The following PCCA variants were observed in gnomAD, a reference collection of about 807,000 sequenced individuals.
PCCA encodes the protein propionyl-CoA carboxylase subunit alpha, also known as propionyl-CoA carboxylase alpha chain, mitochondrial.
In PCCA, 74 loss-of-function variants were observed where a neutral mutation model predicts 101.3. The ratio of observed to expected loss-of-function variants is 0.73; its 90% CI spans 0.61 to 0.89. PCCA has a LOEUF of 0.89. Among genes scored for constraint, PCCA ranks in the 40% least tolerant of loss-of-function variants. The pLI, the probability that PCCA is intolerant of heterozygous loss-of-function variation, is 0.00. For missense variants in PCCA, 891 were observed against 907.0 expected (o/e 0.98, Z 0.23); for synonymous variants, 294 against 313.6 (o/e 0.94, Z 0.66).
intron 4 of PCCA, among the ~76,000 whole-genome samples, chr13:100,146,005 C>T (rs952041392): frequency 1.1e-4 from 16 of 149,712 alleles, no homozygotes; most frequent in African/African-American, 2.2e-4. Context: ...GGTGCAATCT[C>T]GGCAGCTCGC....
Position 100,106,027 on chromosome 13 carries a change from A to G in PCCA, c.183+3067A>G, listed in dbSNP as rs186419979. ...AGTTGGCCTTTAATTCTTTACCTTTAAGGATAATACTCGGGCCCGATCCCT... is the reference window on the plus strand; with the variant it reads ...AGTTGGCCTTTAATTCTTTACCTTTGAGGATAATACTCGGGCCCGATCCCT... On this transcript the variant is annotated intron_variant, in intron 2 of 23. Coordinates refer to ENST00000376285, the MANE Select transcript of PCCA (RefSeq NM_000282.4). Among the ~76,000 whole-genome samples the G allele has an allele frequency of 1.9e-4, 29 of 152,244 alleles. 1 individual carries two copies. In the East Asian group the frequency reaches 4.2e-3, roughly 22 times the overall value.
intron 23 of PCCA, 24 bp from the exon 24 acceptor site, chr13:100,530,074 C>T: frequency 1.3e-6 from 2 of 1,595,104 alleles, no homozygotes; most frequent in South Asian, 2.2e-5. Context: ...CTCTCCCCTC[C>T]CCCTGCATTT....
At chr13:100,368,358 G>A (rs548579996) in intron 18 of PCCA, 114 bp from the exon 19 acceptor site, 9 of 655,466 alleles carry the variant, frequency 1.4e-5, no homozygotes, top group South Asian at 9.4e-5. Flanking sequence ...TAAAATGTTC[G>A]CAAATACATT....
At chr13:100,525,741 T>C (rs1214249755) in intron 22 of PCCA, among the ~76,000 whole-genome samples, 1 of 152,054 alleles carries the variant, frequency 6.6e-6, no homozygotes, top group Non-Finnish European at 1.5e-5. Context: ...GTGCCACCCA[T>C]GTGAAGCCAA....
At chr13:100,502,515 T>C (rs187689270) in intron 21 of PCCA, among the ~76,000 whole-genome samples, 5 of 152,336 alleles carry the variant, frequency 3.3e-5, no homozygotes, top group African/African-American at 1.2e-4. Flanking sequence ...CATTATTGAA[T>C]TGCAGTGGTA....
At chr13:100,307,587 A>G (rs1182663848) in intron 15 of PCCA, among the ~76,000 whole-genome samples, 1 of 152,216 alleles carries the variant, frequency 6.6e-6, no homozygotes, top group Non-Finnish European at 1.5e-5. Flanking sequence ...CATTGGCAGA[A>G]ATTACCTGAG....
intron 19 of PCCA, among the ~76,000 whole-genome samples, chr13:100,370,291 G>T (rs566822618): frequency 1.4e-4 from 22 of 151,814 alleles, no homozygotes; most frequent in Admixed American, 5.2e-4. Flanking sequence ...CACCATGTTG[G>T]CCAGGCTGGT....
At chr13:100,475,080 T>C (rs73564378) in intron 21 of PCCA, among the ~76,000 whole-genome samples, 1,765 of 150,730 alleles carry the variant, frequency 0.012, 41 homozygotes, top group African/African-American at 0.041. Flanking sequence ...TGAGGTCTCA[T>C]TCTGTTGCCC....
Position 100,232,351 on chromosome 13 carries a change from C to CGTGTGCGTGTGT in PCCA, c.601-3486_601-3485insCGTGTGTGTGTG, listed in dbSNP as rs1555387984. On this transcript the variant is annotated intron_variant, in intron 7 of 23. Transcript: ENST00000376285. ...TTATGTTTATGTGTGTGTGTGTATGCGTGTGTGTGTGTGTGTGTGTGTGTG... is the reference window on the plus strand; with the variant it reads ...TTATGTTTATGTGTGTGTGTGTATGCGTGTGCGTGTGTGTGTGTGTGTGTGTGTGTGTGTGTG... 8.6e-3 allele frequency among the ~76,000 whole-genome samples: 1,125 copies of CGTGTGCGTGTGT among 131,248 alleles called. 27 individuals carry two copies. Among genetic ancestry groups the CGTGTGCGTGTGT allele is most frequent in the East Asian group, 0.048 (218 of 4,514 alleles). The allele number at this position is 131,248 out of a possible 152,430, so 86.1% of individuals were successfully genotyped here.
chr13:100,241,106 C>G (rs2061102453), intron 8 of PCCA, among the ~76,000 whole-genome samples: 1 of 152,096 alleles, frequency 6.6e-6, no homozygotes. Context: ...ATTTTTAATA[C>G]TATACAATTC....
chr13:100,413,375 G>A (rs957130658), intron 19 of PCCA, among the ~76,000 whole-genome samples: 25 of 152,170 alleles, frequency 1.6e-4, no homozygotes, highest in African/African-American at 6.0e-4. Flanking sequence ...GGGATTTATT[G>A]GAGGACATCA....
chr13:100,248,945 G>A (rs1268726774), intron 8 of PCCA, among the ~76,000 whole-genome samples: 2 of 151,930 alleles, frequency 1.3e-5, no homozygotes, highest in Non-Finnish European at 2.9e-5. Context: ...GTAGAGATGG[G>A]GTTTTGCCAT....
chr13:100,517,096 G>A (rs2086893655), intron 22 of PCCA, among the ~76,000 whole-genome samples: 1 of 114,616 alleles, frequency 8.7e-6, no homozygotes, highest in African/African-American at 3.3e-5. Flanking sequence ...TGTGTTTCAA[G>A]TAAGTGTTTT....
intron 6 of PCCA, among the ~76,000 whole-genome samples, chr13:100,174,479 C>T (rs374419229): frequency 6.7e-6 from 1 of 148,788 alleles, no homozygotes; most frequent in African/African-American, 2.5e-5. Flanking sequence ...GTAATCCCAG[C>T]ACTTTGGGGA....
chr13:100,441,803 G>A (rs189719751), intron 20 of PCCA, among the ~76,000 whole-genome samples: 19 of 152,116 alleles, frequency 1.2e-4, no homozygotes, highest in Admixed American at 9.2e-4. Context: ...ATTTGTTTTG[G>A]CATGCATTAG....
At chr13:100,238,320 A>G (rs931585099) in intron 8 of PCCA, among the ~76,000 whole-genome samples, 11 of 151,908 alleles carry the variant, frequency 7.2e-5, no homozygotes, top group Non-Finnish European at 1.6e-4. Flanking sequence ...AGTTCTCATC[A>G]CTTTGCTTTC....
chr13:100,527,195 G>T (rs996556434), intron 22 of PCCA: 7 of 436,776 alleles, frequency 1.6e-5, no homozygotes, highest in African/African-American at 6.1e-5. Flanking sequence ...TCAATTCAGA[G>T]TTGTGTAGTT....
intron 8 of PCCA, among the ~76,000 whole-genome samples, chr13:100,252,002 G>GA (rs386380447): frequency 8.6e-4 from 3 of 3,506 alleles, no homozygotes; most frequent in African/African-American, 1.0e-3. Context: ...GGGAGGCTGA[G>GA]GGGGTTCAAA....
intron 8 of PCCA, among the ~76,000 whole-genome samples, chr13:100,240,671 A>G (rs1241740459): frequency 6.6e-6 from 1 of 152,124 alleles, no homozygotes; most frequent in Non-Finnish European, 1.5e-5. Context: ...TACGGTTTAT[A>G]CTCGTATACC....
Sources: allele counts gnomAD v4.1 joint callset (sites outside exome capture counted in the v4.1 genomes callset), GRCh38; gene constraint gnomAD v4.1.1; transcripts MANE v1.5; gene names NCBI Gene and HGNC (gene_info 2026-07-23, HGNC 2026-07-21).